The following PPM1L variants were observed in gnomAD, a reference collection of about 807,000 sequenced individuals.
PPM1L encodes the protein protein phosphatase 1L.
In PPM1L, 13 loss-of-function variants were observed where a neutral mutation model predicts 31.4. The ratio of observed to expected loss-of-function variants is 0.41; its 90% CI spans 0.27 to 0.66. The LOEUF is 0.66. Ranked by LOEUF, PPM1L falls within the 30% of genes least tolerant of loss-of-function variation. The pLI is 0.29. For missense variants in PPM1L, 326 were observed against 453.7 expected, an observed-to-expected ratio of 0.72 and a Z score of 2.56; for synonymous variants, 184 against 175.4, an observed-to-expected ratio of 1.05 and a Z score of -0.39.
chr3:161,014,050 T>G (rs983775898), intron 2 of PPM1L, among the ~76,000 whole-genome samples: 1 of 152,208 alleles, frequency 6.6e-6, no homozygotes, highest in African/African-American at 2.4e-5. Flanking sequence ...TATGCGTGAA[T>G]TTGATCCTGT....
intron 1 of PPM1L, among the ~76,000 whole-genome samples, chr3:160,872,419 T>A (rs1406964724): frequency 6.6e-6 from 1 of 152,204 alleles, no homozygotes; most frequent in Non-Finnish European, 1.5e-5. Flanking sequence ...ACCTCCCATA[T>A]GCCCCATACT....
At chr3:160,965,695 T>C (rs889155618) in intron 2 of PPM1L, among the ~76,000 whole-genome samples, 2 of 152,142 alleles carry the variant, frequency 1.3e-5, no homozygotes, top group African/African-American at 4.8e-5. Flanking sequence ...CATGCTCATT[T>C]GCTTCAACTG....
At chr3:160,826,961 G>A (rs920787515) in intron 1 of PPM1L, among the ~76,000 whole-genome samples, 6 of 152,052 alleles carry the variant, frequency 3.9e-5, no homozygotes, top group African/African-American at 1.4e-4. Context: ...ATAGTGAATA[G>A]GGCCAAGGAA....
At chr3:160,864,190 C>A (rs1404671514) in intron 1 of PPM1L, among the ~76,000 whole-genome samples, 1 of 151,966 alleles carries the variant, frequency 6.6e-6, no homozygotes, top group South Asian at 2.1e-4. Flanking sequence ...TTTTTTCTTT[C>A]ATTTCTTTTT....
intron 2 of PPM1L, among the ~76,000 whole-genome samples, chr3:160,977,390 G>T (rs1004924617): frequency 1.3e-5 from 2 of 152,152 alleles, no homozygotes; most frequent in African/African-American, 4.8e-5. Flanking sequence ...CCAAGTTCTG[G>T]CTACGTGCCG....
At chr3:160,936,553 T>A (rs1714980311) in intron 1 of PPM1L, among the ~76,000 whole-genome samples, 1 of 152,246 alleles carries the variant, frequency 6.6e-6, no homozygotes, top group Non-Finnish European at 1.5e-5. Flanking sequence ...AAGGGTGTAT[T>A]TTGAAATATG....
At chr3:160,832,389 G>A (rs868189926) in intron 1 of PPM1L, among the ~76,000 whole-genome samples, 1 of 146,544 alleles carries the variant, frequency 6.8e-6, no homozygotes, top group Non-Finnish European at 1.5e-5. Flanking sequence ...CCTGAGGACA[G>A]GCATGGAGCT....
intron 1 of PPM1L, among the ~76,000 whole-genome samples, chr3:160,842,944 G>T (rs1713934608): frequency 6.6e-6 from 1 of 151,960 alleles, no homozygotes; most frequent in African/African-American, 2.4e-5. Context: ...CTAAATATTT[G>T]TCTTATTCTT....
At chr3:161,012,111 T>C (rs913546416) in intron 2 of PPM1L, among the ~76,000 whole-genome samples, 3 of 152,230 alleles carry the variant, frequency 2.0e-5, no homozygotes, top group African/African-American at 7.2e-5. Context: ...TCAAAGGGAA[T>C]GCTTCCAGTT....
At chr3:160,878,157 T>C (rs1712581899) in intron 1 of PPM1L, among the ~76,000 whole-genome samples, 1 of 152,192 alleles carries the variant, frequency 6.6e-6, no homozygotes, top group Non-Finnish European at 1.5e-5. Context: ...ATTGGCCCAG[T>C]TGGAGTGCAT....
At chr3:160,873,817 T>G (rs1407718183) in intron 1 of PPM1L, among the ~76,000 whole-genome samples, 1 of 152,066 alleles carries the variant, frequency 6.6e-6, no homozygotes, top group South Asian at 2.1e-4. Flanking sequence ...AGAGTTCTAG[T>G]AGAATTGTGA....
At chr3:160,826,663 C>A (rs1057079434) in intron 1 of PPM1L, among the ~76,000 whole-genome samples, 1 of 152,066 alleles carries the variant, frequency 6.6e-6, no homozygotes, top group Non-Finnish European at 1.5e-5. Flanking sequence ...GTGTTATCTG[C>A]TGTTACCACT....
chr3:160,823,141 G>A (rs1480380469), intron 1 of PPM1L, among the ~76,000 whole-genome samples: 2 of 151,982 alleles, frequency 1.3e-5, no homozygotes, highest in African/African-American at 4.8e-5. Context: ...CTCCTGGAAG[G>A]TTGCCAGGGT....
chr3:160,895,953 T>C (rs1173422051), intron 1 of PPM1L, among the ~76,000 whole-genome samples: 5 of 152,192 alleles, frequency 3.3e-5, no homozygotes, highest in Non-Finnish European at 5.9e-5. Flanking sequence ...ATTTCTCTTT[T>C]GTCTTTTCTG....
At chr3:160,944,194 A>T (rs1413572195) in intron 1 of PPM1L, among the ~76,000 whole-genome samples, 5 of 152,040 alleles carry the variant, frequency 3.3e-5, no homozygotes, top group Non-Finnish European at 7.4e-5. Flanking sequence ...GTGGATCACC[A>T]TAATTATGGA....
At chr3:160,897,240 A>G (rs754696587) in intron 1 of PPM1L, among the ~76,000 whole-genome samples, 1 of 151,894 alleles carries the variant, frequency 6.6e-6, no homozygotes, top group Non-Finnish European at 1.5e-5. Context: ...ATGGGGTTTC[A>G]CCATGTTGGC....
chr3:160,834,471 ATGTGTGTGTGTGTGTGTG>A (rs150328470), intron 1 of PPM1L, among the ~76,000 whole-genome samples: 26 of 139,066 alleles, frequency 1.9e-4, no homozygotes, highest in African/African-American at 1.6e-4. Context: ...GTGTATGTGT[ATGTGTGTGTGTGTGTGTG>A]TGTGTGTGTG....
At chr3:160,816,261 T>TTGTG (rs71147385) in intron 1 of PPM1L, among the ~76,000 whole-genome samples, 1,920 of 147,962 alleles carry the variant, frequency 0.013, 18 homozygotes, top group African/African-American at 0.03. Flanking sequence ...GCAGTTTCAT[T>TTGTG]TGTGTGTGTG....
intron 3 of PPM1L, among the ~76,000 whole-genome samples, 154 bp downstream of exon 3, chr3:161,065,718 A>G (rs761928642): frequency 2.5e-4 from 38 of 152,214 alleles, no homozygotes; most frequent in Non-Finnish European, 4.3e-4. Context: ...TTACCTATCA[A>G]ATAAATGGCC....
Sources: gnomAD v4.1 joint callset for allele counts (sites outside exome capture counted in the v4.1 genomes callset) on GRCh38, gnomAD v4.1.1 for gene constraint, MANE v1.5 for transcripts, NCBI Gene and HGNC (gene_info 2026-07-23, HGNC 2026-07-21) for gene names.